Variants in FRMD4A observed in about 807,000 individuals in gnomAD.
FRMD4A encodes the protein FERM domain-containing protein 4A.
FRMD4A carries 29 observed loss-of-function variants against 129.1 expected under a neutral mutation model. The observed-to-expected ratio is 0.22, with a 90% CI of 0.17 to 0.31. FRMD4A has a LOEUF of 0.31. Among genes scored for constraint, FRMD4A ranks in the 10% least tolerant of loss-of-function variants. The probability of loss-of-function intolerance (pLI) is 1.00; values close to 1 mark genes in which losing one functional copy is unlikely to be tolerated. For synonymous variants in FRMD4A, 634 were observed against 571.6 expected, an observed-to-expected ratio of 1.11 and a Z score of -1.56; for missense variants, 1,272 against 1,375.8, an observed-to-expected ratio of 0.92 and a Z score of 1.19.
intron 3 of FRMD4A, among the ~76,000 whole-genome samples, chr10:13,854,508 C>A (rs919647666): frequency 2.6e-5 from 4 of 152,002 alleles, no homozygotes; most frequent in Admixed American, 1.3e-4. Context: ...GCAACCTCCG[C>A]CTCCCAGGTT....
intron 2 of FRMD4A, among the ~76,000 whole-genome samples, chr10:14,163,358 C>G (rs1028174097): frequency 5.9e-5 from 9 of 152,162 alleles, no homozygotes; most frequent in Non-Finnish European, 1.0e-4. Flanking sequence ...ACGTAATTCC[C>G]TTTGAATATC....
At chr10:13,742,501 T>G (rs1346609449) in intron 9 of FRMD4A, among the ~76,000 whole-genome samples, 1 of 152,182 alleles carries the variant, frequency 6.6e-6, no homozygotes, top group Non-Finnish European at 1.5e-5. Context: ...ACCCTCGAGA[T>G]CTCAATAGAG....
chr10:13,734,581 C>T (rs762256596), intron 12 of FRMD4A, among the ~76,000 whole-genome samples: 1 of 152,154 alleles, frequency 6.6e-6, no homozygotes, highest in African/African-American at 2.4e-5. Flanking sequence ...CCCATTCCTC[C>T]GTCTGCAAAA....
At chr10:13,822,659 G>C (rs542051604) in intron 3 of FRMD4A, among the ~76,000 whole-genome samples, 4 of 152,298 alleles carry the variant, frequency 2.6e-5, no homozygotes, top group East Asian at 3.9e-4. Flanking sequence ...AGCCAGATGG[G>C]ACCAGGTGTC....
At chr10:13,689,610 T>C (rs2085479705) in intron 15 of FRMD4A, among the ~76,000 whole-genome samples, 1 of 150,612 alleles carries the variant, frequency 6.6e-6, no homozygotes, top group Admixed American at 6.6e-5. Flanking sequence ...GTTAGTATAG[T>C]GATACCATCA....
intron 2 of FRMD4A, among the ~76,000 whole-genome samples, chr10:13,908,185 A>C (rs963435473): frequency 1.3e-5 from 2 of 151,288 alleles, no homozygotes; most frequent in Non-Finnish European, 2.9e-5. Context: ...AAAAAAAAAA[A>C]AAAAAGGACA....
chr10:14,223,867 T>C (rs1027122099), intron 2 of FRMD4A, among the ~76,000 whole-genome samples: 3 of 151,958 alleles, frequency 2.0e-5, no homozygotes, highest in African/African-American at 7.2e-5. Context: ...GACTCCCCTC[T>C]GCAACCCATG....
chr10:13,968,544 C>G (rs2095498956), intron 2 of FRMD4A, among the ~76,000 whole-genome samples: 1 of 152,218 alleles, frequency 6.6e-6, no homozygotes, highest in Non-Finnish European at 1.5e-5. Flanking sequence ...CCTCCACCTC[C>G]TGGGTTCAAG....
chr10:14,054,523 G>C (rs376596655), intron 2 of FRMD4A, among the ~76,000 whole-genome samples: 1 of 152,090 alleles, frequency 6.6e-6, no homozygotes, highest in African/African-American at 2.4e-5. Flanking sequence ...ATTTCTCTAC[G>C]AGTGTGGATC....
chr10:13,703,063 C>T (rs1388130569), intron 13 of FRMD4A, among the ~76,000 whole-genome samples: 1 of 152,160 alleles, frequency 6.6e-6, no homozygotes, highest in East Asian at 1.9e-4. Flanking sequence ...GCTTGGCTTC[C>T]ATAGCAGTTC....
intron 2 of FRMD4A, among the ~76,000 whole-genome samples, chr10:14,048,120 G>A (rs1237137677): frequency 6.6e-6 from 1 of 152,166 alleles, no homozygotes; most frequent in African/African-American, 2.4e-5. Context: ...GGAAATAAAG[G>A]CGGTTGCTCT....
Position 14,108,683 on chromosome 10 carries a change from G to C in FRMD4A, c.45+221375C>G, listed in dbSNP as rs532451784. ...CCTTGGAGAAAGAACACACTTAAAG[G>C]CTGGGTTTTCGCATAGGAAAAATAA... On this transcript the variant is annotated intron_variant, in intron 2 of 24. Transcript: ENST00000357447. Among the ~76,000 whole-genome samples the C allele has an allele frequency of 1.4e-4, 21 of 152,296 alleles. 1 individual carries two copies. The South Asian group carries it at 4.1e-3, about 30-fold the overall frequency.
At chr10:14,018,847 C>A (rs530528677) in intron 2 of FRMD4A, among the ~76,000 whole-genome samples, 23 of 152,218 alleles carry the variant, frequency 1.5e-4, no homozygotes, top group African/African-American at 5.3e-4. Context: ...TAGCTCGGGG[C>A]ATGCAGAGCT....
chr10:14,249,324 C>A (rs1190508577), intron 2 of FRMD4A, among the ~76,000 whole-genome samples: 1 of 149,412 alleles, frequency 6.7e-6, no homozygotes, highest in African/African-American at 2.5e-5. Context: ...TGCACTCCAG[C>A]CTGAGCGACA....
At chr10:14,229,563 G>T (rs1364079737) in intron 2 of FRMD4A, among the ~76,000 whole-genome samples, 1 of 151,906 alleles carries the variant, frequency 6.6e-6, no homozygotes, top group Admixed American at 6.6e-5. Flanking sequence ...GCAGCCTCCC[G>T]AGTAGCTGGG....
At chr10:13,701,267 C>G in intron 14 of FRMD4A, 73 bp downstream of exon 14, 2 of 1,422,034 alleles carry the variant, frequency 1.4e-6, no homozygotes, top group Non-Finnish European at 2.0e-6. Context: ...CCTCCCCCAC[C>G]CATCCGATCC....
chr10:13,893,801 G>A (rs12250110), intron 2 of FRMD4A, among the ~76,000 whole-genome samples: 3,616 of 152,258 alleles, frequency 0.024, 140 homozygotes, highest in East Asian at 0.17. Context: ...GTGAGCCACC[G>A]CACCCAGCTC....
At chr10:13,741,397 G>A (rs1588510396) in intron 9 of FRMD4A, among the ~76,000 whole-genome samples, 1 of 152,048 alleles carries the variant, frequency 6.6e-6, no homozygotes, top group African/African-American at 2.4e-5. Flanking sequence ...GCTGCAGTGA[G>A]CTACAATTGC....
rs1390484960 is a variant in FRMD4A at position 14,019,508 on chromosome 10, G to A, written c.46-160596C>T. Among the ~76,000 whole-genome samples the A allele has an allele frequency of 2.0e-5, 3 of 152,128 alleles. No individual in the cohort carries two copies. In the East Asian group the frequency reaches 5.8e-4, roughly 29 times the overall value. On this transcript the variant is annotated intron_variant, in intron 2 of 24. Transcript: ENST00000357447. ...ATGCCAATATATTCAGTAGACAGAG[G>A]GGGAAGAGACACATGTGTTTATAGG...
Sources: gnomAD v4.1 joint callset for allele counts (sites outside exome capture counted in the v4.1 genomes callset) on GRCh38, gnomAD v4.1.1 for gene constraint, MANE v1.5 for transcripts, NCBI Gene and HGNC (gene_info 2026-07-23, HGNC 2026-07-21) for gene names.